Variants in XCR1 observed in about 807,000 individuals in gnomAD.
The protein encoded by XCR1 is X-C motif chemokine receptor 1, also known as chemokine XC receptor 1.
For missense variants in XCR1, 356 were observed against 424.2 expected, an observed-to-expected ratio of 0.84 and a Z score of 1.41; for synonymous variants, 187 against 188.5, an observed-to-expected ratio of 0.99 and a Z score of 0.06.
At chr3:46,058,471 A>T (rs1424401717) in intron 4 of XCR1, among the ~76,000 whole-genome samples, 1 of 152,232 alleles carries the variant, frequency 6.6e-6, no homozygotes, top group Non-Finnish European at 1.5e-5. Flanking sequence ...GGAATTTCTG[A>T]AAACCAAATC....
At chr3:46,043,568 A>C (rs1331099278) in intron 5 of XCR1, among the ~76,000 whole-genome samples, 1 of 151,776 alleles carries the variant, frequency 6.6e-6, no homozygotes, top group Admixed American at 6.6e-5. Flanking sequence ...GTTTGCCCTA[A>C]GATCAGGAAT....
intron 5 of XCR1, among the ~76,000 whole-genome samples, chr3:46,038,302 A>G (rs1697474289): frequency 6.6e-6 from 1 of 151,960 alleles, no homozygotes; most frequent in Non-Finnish European, 1.5e-5. Flanking sequence ...ACAGGCATGA[A>G]CCACCGTGCC....
chr3:46,063,911 C>CTG (rs1397543523), intron 4 of XCR1, among the ~76,000 whole-genome samples: 1,562 of 152,260 alleles, frequency 0.01, 32 homozygotes, highest in African/African-American at 0.035. Flanking sequence ...GCTCTGCCAC[C>CTG]CAGGCTGGAG....
chr3:46,074,618 A>G (rs1025808840), intron 3 of XCR1, among the ~76,000 whole-genome samples: 1 of 151,530 alleles, frequency 6.6e-6, no homozygotes, highest in Non-Finnish European at 1.5e-5. Flanking sequence ...TTTATATTTT[A>G]AAAAAAATCA....
At chr3:46,071,679 C>T (rs1040405539) in intron 3 of XCR1, among the ~76,000 whole-genome samples, 4 of 152,090 alleles carry the variant, frequency 2.6e-5, no homozygotes, top group African/African-American at 9.7e-5. Context: ...ACATGTGATT[C>T]ACCACATAAA....
At chr3:46,049,111 C>T (rs146093070) in intron 5 of XCR1, among the ~76,000 whole-genome samples, 138 of 152,238 alleles carry the variant, frequency 9.1e-4, no homozygotes, top group African/African-American at 3.0e-3. Flanking sequence ...TAACATGCAG[C>T]GTATGAAAAT....
chr3:46,084,499 T>C (rs1470330867), intron 1 of XCR1, among the ~76,000 whole-genome samples: 7 of 152,224 alleles, frequency 4.6e-5, no homozygotes, highest in African/African-American at 1.7e-4. Flanking sequence ...TAAAATGCCA[T>C]GCACTGGACG....
intron 1 of XCR1, chr3:46,023,856 T>A: frequency 6.5e-7 from 1 of 1,529,362 alleles, no homozygotes; most frequent in Non-Finnish European, 9.0e-7. Flanking sequence ...TCCTTGTGGC[T>A]GAGAATGAAA....
rs993600170 is a variant in XCR1, at chr3:46,020,784, C to T, written c.*162G>A. ...CACTTTCCCGCAGATGAGAGGCTGG[C>T]GGGACCCACTGGTGTAATGAATGAC... On this transcript the variant is annotated 3_prime_UTR_variant, in exon 2 of 2. Coordinates refer to ENST00000309285, the MANE Select transcript of XCR1 (RefSeq NM_001024644.2). The T allele has an allele frequency of 6.0e-6, 6 of 992,486 alleles. No individual in the cohort carries two copies. The African/African-American group carries it at 6.5e-5, about 11-fold the overall frequency. 61.5% of individuals were successfully genotyped at this position (992,486 alleles called of 1,614,324 possible). A position where few individuals can be genotyped will look rare whatever the true frequency, so the allele number is the denominator to read the frequency against.
intron 4 of XCR1, among the ~76,000 whole-genome samples, chr3:46,065,121 A>G (rs1413055862): frequency 6.6e-6 from 1 of 152,130 alleles, no homozygotes; most frequent in Non-Finnish European, 1.5e-5. Context: ...AAAAAAGGAA[A>G]AAAAAATAGA....
chr3:46,042,752 G>A (rs62242837), intron 5 of XCR1, among the ~76,000 whole-genome samples: 28,784 of 152,102 alleles, frequency 0.19, 2,797 homozygotes, highest in East Asian at 0.26. Flanking sequence ...ATTTAAAGAA[G>A]AATTAACTCC....
At chr3:46,081,514 C>T (rs540481149) in intron 1 of XCR1, among the ~76,000 whole-genome samples, 23 of 152,270 alleles carry the variant, frequency 1.5e-4, no homozygotes, top group Admixed American at 1.3e-3. Context: ...CTGCAGAGAG[C>T]TCTGGGGAGA....
intron 1 of XCR1, among the ~76,000 whole-genome samples, chr3:46,082,362 T>A (rs996484641): frequency 6.6e-6 from 1 of 151,980 alleles, no homozygotes; most frequent in African/African-American, 2.4e-5. Context: ...AAAATTGTTT[T>A]GGTAAAATCA....
intron 5 of XCR1, among the ~76,000 whole-genome samples, chr3:46,046,671 A>G (rs139614244): frequency 8.5e-5 from 13 of 152,306 alleles, no homozygotes; most frequent in African/African-American, 2.2e-4. Flanking sequence ...ATCTGAGTTT[A>G]CAGACTATAA....
intron 5 of XCR1, among the ~76,000 whole-genome samples, chr3:46,050,214 C>T (rs1215510256): frequency 6.6e-6 from 1 of 152,200 alleles, no homozygotes; most frequent in Non-Finnish European, 1.5e-5. Context: ...CGTAATTCGG[C>T]TTCTGCCTCT....
At chr3:46,040,797 C>T (rs1697526311) in intron 5 of XCR1, among the ~76,000 whole-genome samples, 1 of 151,054 alleles carries the variant, frequency 6.6e-6, no homozygotes. Context: ...ATGAAAAGGA[C>T]TCTTGAATGC....
intron 1 of XCR1, among the ~76,000 whole-genome samples, chr3:46,080,414 T>C (rs529733679): frequency 2.6e-5 from 4 of 152,266 alleles, no homozygotes; most frequent in African/African-American, 7.2e-5. Context: ...TTTAAAACTT[T>C]GGCCAAGCAT....
Position 46,026,099 on chromosome 3 carries a change from G to A in XCR1, c.-32+1318C>T, listed in dbSNP as rs535239836. 1.3e-5 allele frequency among the ~76,000 whole-genome samples: 2 copies of A among 152,114 alleles called. 1 individual carries two copies. Among genetic ancestry groups the A allele is most frequent in the South Asian group, 4.1e-4 (2 of 4,826 alleles). ...GATCTTTTCTGATAAATGTAGAAAA[G>A]CATTTGACAAAGCTCAACACCCTTT... On this transcript the variant is annotated intron_variant, in intron 1 of 1. Transcript: ENST00000309285.
In XCR1 at chr3:46,018,892, A is replaced by T. The variant is rs900455908; in HGVS notation, c.*2054T>A. 1 of 152,174 alleles carries T rather than the reference A, an allele frequency of 6.6e-6. No homozygotes were observed. The highest frequency in any genetic ancestry group is 6.5e-5 in the Admixed American group (1 of 15,284). The allele number at this position is 152,174 out of a possible 1,614,324, so 9.4% of individuals were successfully genotyped here. A position where few individuals can be genotyped will look rare whatever the true frequency, so the allele number is the denominator to read the frequency against. Reference sequence around the variant, plus strand: ...GAAGACTCTGGACTCCTCATTTTTTAAAAAAGTTGCAGCCAAATGTACCTA... The same window carrying T: ...GAAGACTCTGGACTCCTCATTTTTTTAAAAAGTTGCAGCCAAATGTACCTA... On this transcript the variant is annotated 3_prime_UTR_variant, in exon 2 of 2. Coordinates refer to ENST00000309285, the MANE Select transcript of XCR1 (RefSeq NM_001024644.2).
Sources: gnomAD v4.1 joint callset for allele counts (sites outside exome capture counted in the v4.1 genomes callset) on GRCh38, gnomAD v4.1.1 for gene constraint, MANE v1.5 for transcripts, NCBI Gene and HGNC (gene_info 2026-07-23, HGNC 2026-07-21) for gene names.